TRMT61B: variants seen among roughly 807,000 people sequenced by gnomAD.
TRMT61B encodes tRNA methyltransferase 61B, also known as tRNA (adenine(58)-N(1))-methyltransferase, mitochondrial.
In TRMT61B, 56 loss-of-function variants were observed where a neutral mutation model predicts 52.0. That is an observed-to-expected ratio of 1.08 (90% CI 0.87 to 1.35). The LOEUF (loss-of-function observed/expected upper bound fraction) is 1.35. TRMT61B is among the 40% of genes most tolerant of loss of function. The pLI is 0.00. For missense variants in TRMT61B, 650 were observed against 577.9 expected (o/e 1.12, Z -1.28); for synonymous variants, 206 against 220.0 (o/e 0.94, Z 0.56).
At chr2:28,861,035 A>T (rs1165285008) in intron 3 of TRMT61B, 83 bp downstream of exon 3, 7 of 1,148,530 alleles carry the variant, frequency 6.1e-6, no homozygotes, top group Non-Finnish European at 8.5e-6. Flanking sequence ...ACGAAGGAAG[A>T]CCTTTGCCCA....
rs762392653 is a variant in TRMT61B, at chr2:28,865,095, T to C, written c.724A>G (p.Met242Val). 172 of 1,610,098 alleles carry C rather than the reference T, an allele frequency of 1.1e-4. No individual in the cohort carries two copies. The highest frequency in any genetic ancestry group is 1.3e-4 in the Non-Finnish European group (158 of 1,176,670). Residue 242 changes from methionine (M) to valine (V), a missense_variant, in exon 2 of 7, where the codon ATG (methionine) becomes GTG (valine). Coordinates refer to ENST00000306108, the MANE Select transcript of TRMT61B (RefSeq NM_017910.4). ...ACAGTATCACCTGGGTTGATATCCATCATTGAGAGAATCATATTAATATCC... is the reference window on the plus strand; with the variant it reads ...ACAGTATCACCTGGGTTGATATCCACCATTGAGAGAATCATATTAATATCC... ...PKDINMILSM[M>V]DINPGDTVLE...
In TRMT61B at chr2:28,869,721, GC is replaced by G. The variant is rs746516437; in HGVS notation, c.556del (p.Ala186GlnfsTer16). 1.2e-6 allele frequency: 2 copies of G among 1,614,092 alleles called. No individual in the cohort carries two copies. Among genetic ancestry groups the G allele is most frequent in the Non-Finnish European group, 1.7e-6 (2 of 1,179,996 alleles). The stretch of plus-strand genomic sequence containing the variant: ...CCCCACGATCTTGCCGAACGGGACT[GC>G]CCCCCAGTTACTATTTAAGAGTCCG... The part of the protein sequence containing the change: ...NFGLLNSNWG[A>X]VPFGKIVGKF... On this transcript the variant is annotated frameshift_variant, in exon 1 of 7. Transcript: ENST00000306108. LOFTEE classifies it high-confidence loss of function.
rs1473669943 is a variant in TRMT61B, at chr2:28,869,693, C to T, written c.585G>A (p.Lys195=). Residue 195 remains lysine (K), a synonymous_variant, in exon 1 of 7, where the codon AAG becomes AAA. Coordinates refer to ENST00000306108, the MANE Select transcript of TRMT61B (RefSeq NM_017910.4). ...GAVPFGKIVG[K]FPGQILRSSF... is the part of the protein sequence containing the mutation. ...AACTCCTCAGTATCTGGCCGGGGAA[C>T]TTCCCCACGATCTTGCCGAACGGGA... 6.2e-7 allele frequency: 1 copy of T among 1,614,056 alleles called. No individual in the cohort carries two copies. Among genetic ancestry groups the T allele is most frequent in the Non-Finnish European group, 8.5e-7 (1 of 1,180,014 alleles).
chr2:28,863,633 A>C (rs1168507052), intron 2 of TRMT61B, among the ~76,000 whole-genome samples: 1 of 152,182 alleles, frequency 6.6e-6, no homozygotes, highest in Non-Finnish European at 1.5e-5. Flanking sequence ...TTGTCAAATG[A>C]AACCGTGCAG....
intron 3 of TRMT61B, among the ~76,000 whole-genome samples, chr2:28,860,593 A>T (rs1185525913): frequency 6.6e-6 from 1 of 152,112 alleles, no homozygotes; most frequent in African/African-American, 2.4e-5. Flanking sequence ...TCAACTTCCC[A>T]GTGTTTCTCT....
At chr2:28,852,017 A>AGCC (rs1669128558) in intron 4 of TRMT61B, among the ~76,000 whole-genome samples, 1 of 151,828 alleles carries the variant, frequency 6.6e-6, no homozygotes, top group African/African-American at 2.4e-5. Context: ...ATTCAGTTAC[A>AGCC]AAATGAATAT....
intron 2 of TRMT61B, among the ~76,000 whole-genome samples, chr2:28,862,895 T>TGC (rs2148143415): frequency 6.7e-6 from 1 of 149,828 alleles, no homozygotes; most frequent in South Asian, 2.1e-4. Context: ...TGTGTGTGTG[T>TGC]GTGTATGTGA....
At chr2:28,867,143 T>A (rs899983714) in intron 1 of TRMT61B, among the ~76,000 whole-genome samples, 2 of 151,948 alleles carry the variant, frequency 1.3e-5, no homozygotes, top group African/African-American at 4.8e-5. Context: ...TTGCCCAGGC[T>A]GGAGTGCAGT....
rs550076940 is a variant in TRMT61B at position 28,869,980 on chromosome 2, G to T, written c.298C>A (p.Arg100=). The part of the protein sequence containing the change: ...LPTLREESSP[R]ELEDSSGDQG... ...TCTCCGCTCGAGTCCTCGAGCTCTC[G>T]AGGGGATGACTCTTCCCGCAGCGTC... Residue 100 remains arginine, a synonymous_variant, in exon 1 of 7, where the codon CGA becomes AGA. Coordinates refer to ENST00000306108, the MANE Select transcript of TRMT61B (RefSeq NM_017910.4). 9.3e-6 allele frequency: 15 copies of T among 1,613,694 alleles called. No homozygotes were observed. In the African/African-American group the frequency reaches 1.2e-4, roughly 13 times the overall value.
chr2:28,854,978 G>T (rs1482574204), intron 3 of TRMT61B, among the ~76,000 whole-genome samples: 3 of 152,086 alleles, frequency 2.0e-5, no homozygotes, highest in Admixed American at 1.3e-4. Context: ...GGGAAAGGAG[G>T]TGTCATTTTA....
chr2:28,855,424 A>G (rs953701367), intron 3 of TRMT61B, among the ~76,000 whole-genome samples: 1 of 152,222 alleles, frequency 6.6e-6, no homozygotes, highest in African/African-American at 2.4e-5. Flanking sequence ...GAAGGATGAC[A>G]GTGGCTTGTA....
intron 1 of TRMT61B, among the ~76,000 whole-genome samples, chr2:28,866,623 G>A (rs1669860811): frequency 6.6e-6 from 1 of 152,026 alleles, no homozygotes; most frequent in South Asian, 2.1e-4. Flanking sequence ...CCCTGTTACA[G>A]GCCACACACT....
chr2:28,858,753 C>G (rs1478890836), intron 3 of TRMT61B, among the ~76,000 whole-genome samples: 1 of 135,826 alleles, frequency 7.4e-6, no homozygotes, highest in Admixed American at 7.6e-5. Context: ...CAAGATCATA[C>G]CACTGTACTC....
chr2:28,852,436 C>A lies in TRMT61B; in HGVS notation c.1057G>T (p.Gly353Cys). ...ACTACATATACAGCACATACACCAC[C>A]ATGCTTAAGATGTGGGTAAAAAACA... ...LPVFYPHLKH[G>C]GVCAVYVVNI... Residue 353 changes from glycine to cysteine, a missense_variant, in exon 4 of 7, where the codon GGT (glycine) becomes TGT (cysteine). Physicochemically the swap from Gly to Cys is radical, Grantham distance 159. Transcript: ENST00000306108. 6.2e-7 allele frequency: 1 copy of A among 1,610,484 alleles called. No homozygotes were observed. Among genetic ancestry groups the A allele is most frequent in the East Asian group, 2.2e-5 (1 of 44,846 alleles).
intron 1 of TRMT61B, 66 bp downstream of exon 1, chr2:28,869,513 G>C (rs1401188115): frequency 1.8e-6 from 2 of 1,106,690 alleles, no homozygotes; most frequent in Admixed American, 4.1e-5. Flanking sequence ...CATTAATCAG[G>C]ACTGAGTACT....
In TRMT61B at chr2:28,850,054, G is replaced by A; in HGVS notation, c.*145C>T. 2.6e-6 allele frequency: 3 copies of A among 1,162,054 alleles called. No homozygotes were observed. The South Asian group carries it at 4.1e-5, about 16-fold the overall frequency. The allele number at this position is 1,162,054 out of a possible 1,614,324, so 72.0% of individuals were successfully genotyped here. On this transcript the variant is annotated 3_prime_UTR_variant, in exon 7 of 7. Coordinates refer to ENST00000306108, the MANE Select transcript of TRMT61B (RefSeq NM_017910.4). ...GTTTTGCTATGTTATACATCTTTTA[G>A]TTGTTATTTTCAAAATTATATGTAT...
At chr2:28,861,521 T>C in intron 2 of TRMT61B, 1 of 506,190 alleles carries the variant, frequency 2.0e-6, no homozygotes, top group South Asian at 2.7e-5. Flanking sequence ...CCCATGATAG[T>C]CACTGCCTAT....
Position 28,850,139 on chromosome 2 carries a change from A to G in TRMT61B, c.*60T>C, listed in dbSNP as rs1273927445. ...CAATCTATGGAAGCAGTGATTTTCA[A>G]TATAAAGTTCTATTTTGATATTTTT... On this transcript the variant is annotated 3_prime_UTR_variant, in exon 7 of 7. Transcript: ENST00000306108. 1.4e-6 allele frequency: 2 copies of G among 1,475,466 alleles called. No individual in the cohort carries two copies. Among genetic ancestry groups the G allele is most frequent in the Non-Finnish European group, 1.9e-6 (2 of 1,068,012 alleles). The allele number at this position is 1,475,466 out of a possible 1,614,324, so 91.4% of individuals were successfully genotyped here.
rs1371226398 is a variant in TRMT61B at position 28,850,223 on chromosome 2, C to G, written c.1410G>C (p.Arg470Ser). 2 of 1,611,506 alleles carry G rather than the reference C, an allele frequency of 1.2e-6. No homozygotes were observed. Among genetic ancestry groups the G allele is most frequent in the East Asian group, 4.5e-5 (2 of 44,780 alleles). ...PGHTAFLVKL[R>S]KVKPQLN is the part of the protein sequence containing the mutation. ...CTCAGTTAAGTTGTGGTTTGACCTT[C>G]CTCAACTTGACAAGAAAAGCTAATT... The change falls in exon 7 of 7, where the codon AGG becomes AGC. Residue 470 changes from arginine to serine, a missense_variant. Arg to Ser is a moderately radical substitution (Grantham distance 110). Transcript: ENST00000306108.
Sources: allele counts gnomAD v4.1 joint callset (sites outside exome capture counted in the v4.1 genomes callset), GRCh38; gene constraint gnomAD v4.1.1; transcripts MANE v1.5; gene names NCBI Gene and HGNC (gene_info 2026-07-23, HGNC 2026-07-21).